The following GLRA2 variants were observed in gnomAD, a reference collection of about 807,000 sequenced individuals.
GLRA2 encodes the protein glycine receptor alpha 2.
GLRA2 carries 11 observed loss-of-function variants against 31.6 expected under a neutral mutation model. The observed-to-expected ratio is 0.35, with a 90% confidence interval of 0.22 to 0.58. The LOEUF is 0.58. GLRA2 is among the 20% of genes least tolerant of loss of function. The pLI, the probability that GLRA2 is intolerant of heterozygous loss-of-function variation, is 0.84. For missense variants in GLRA2, 212 were observed against 351.8 expected (o/e 0.60, Z 3.18); for synonymous variants, 132 against 134.0 (o/e 0.99, Z 0.10).
chrX:14,458,501 A>G, the GLRA2 span, among the ~76,000 whole-genome samples: 2 of 111,944 alleles, frequency 1.8e-5, no homozygotes, highest in East Asian at 2.8e-4. Flanking sequence ...GTGTAAAAGC[A>G]TTCCTATTTC....
At chrX:14,622,653 C>T (rs2090535350) in intron 7 of GLRA2, among the ~76,000 whole-genome samples, 1 of 111,783 alleles carries the variant, frequency 8.9e-6, no homozygotes, top group Non-Finnish European at 1.9e-5. Context: ...TGTCAAAGAT[C>T]AGATGGTTAT....
At chrX:14,700,881 A>G (rs1484245872) in intron 8 of GLRA2, among the ~76,000 whole-genome samples, 1 of 109,656 alleles carries the variant, frequency 9.1e-6, no homozygotes, top group South Asian at 4.0e-4. Context: ...AGAGAATAAT[A>G]TTACTTACAG....
chrX:14,643,645 A>T (rs1377829966), intron 7 of GLRA2, among the ~76,000 whole-genome samples: 1 of 111,577 alleles, frequency 9.0e-6, no homozygotes, highest in Non-Finnish European at 1.9e-5. Context: ...TTTTCCTTCA[A>T]ATTTGAATTA....
chrX:14,703,147 G>A (rs1430009218), intron 8 of GLRA2, among the ~76,000 whole-genome samples: 1 of 112,024 alleles, frequency 8.9e-6, no homozygotes, highest in Non-Finnish European at 1.9e-5. Context: ...AATGGAATGT[G>A]TAAAATTTGA....
chrX:14,482,432 G>T, the GLRA2 span, among the ~76,000 whole-genome samples: 1 of 111,066 alleles, frequency 9.0e-6, no homozygotes, highest in East Asian at 2.8e-4. Context: ...AATGCAGGAA[G>T]TGGAGGGTGG....
chrX:14,688,238 C>T (rs886756745), intron 7 of GLRA2, among the ~76,000 whole-genome samples: 1 of 111,761 alleles, frequency 8.9e-6, no homozygotes. Context: ...AGTTAGGCTA[C>T]TCGGGGGTCA....
intron 3 of GLRA2, among the ~76,000 whole-genome samples, chrX:14,579,690 A>C (rs1217839386): frequency 9.0e-6 from 1 of 111,468 alleles, no homozygotes; most frequent in East Asian, 2.8e-4. Flanking sequence ...TTAGCAGTGC[A>C]ATGGTAAAGC....
intron 8 of GLRA2, among the ~76,000 whole-genome samples, chrX:14,696,084 GGAAGACAAAGA>G (rs767949816): frequency 1.2e-4 from 13 of 109,300 alleles, no homozygotes; most frequent in Non-Finnish European, 2.1e-4. Context: ...GAAAGTGAGT[GGAAGACAAAGA>G]GAAGACAATA....
chrX:14,536,870 A>G (rs1190313536), intron 2 of GLRA2, among the ~76,000 whole-genome samples: 1 of 111,833 alleles, frequency 8.9e-6, no homozygotes, highest in Non-Finnish European at 1.9e-5. Flanking sequence ...GTCAAGTATG[A>G]GTCAGAGTTG....
At chrX:14,658,791 A>G (rs1016800314) in intron 7 of GLRA2, among the ~76,000 whole-genome samples, 2 of 112,206 alleles carry the variant, frequency 1.8e-5, no homozygotes, top group Admixed American at 1.9e-4. Context: ...GAAAAAAGAA[A>G]AGGCAATGGC....
intron 4 of GLRA2, among the ~76,000 whole-genome samples, chrX:14,599,044 G>C (rs1281706480): frequency 9.0e-6 from 1 of 111,343 alleles, no homozygotes; most frequent in African/African-American, 3.3e-5. Context: ...GGAAAGGTGA[G>C]ATTTTGGGAG....
intron 4 of GLRA2, among the ~76,000 whole-genome samples, chrX:14,585,026 T>C (rs1373988642): frequency 8.1e-5 from 9 of 111,591 alleles, no homozygotes; most frequent in Non-Finnish European, 3.8e-5. Flanking sequence ...TTCCCAAGCA[T>C]AGCACATTAC....
intron 2 of GLRA2, among the ~76,000 whole-genome samples, chrX:14,540,568 G>A (rs1308943481): frequency 9.1e-6 from 1 of 110,418 alleles, no homozygotes; most frequent in African/African-American, 3.3e-5. Context: ...GTTGGGGTGG[G>A]GAAATGGAAG....
the GLRA2 span, among the ~76,000 whole-genome samples, chrX:14,475,202 G>A: frequency 8.9e-6 from 1 of 112,387 alleles, no homozygotes; most frequent in African/African-American, 3.2e-5. Context: ...GTAAGCAGCA[G>A]ATAAAATCCC....
At chrX:14,698,973 G>A (rs1226897479) in intron 8 of GLRA2, among the ~76,000 whole-genome samples, 1 of 111,210 alleles carries the variant, frequency 9.0e-6, no homozygotes, top group Admixed American at 9.6e-5. Flanking sequence ...AGGAGTGGCC[G>A]GGCAATGTGC....
At chrX:14,510,091 A>T in the GLRA2 span, among the ~76,000 whole-genome samples, 6 of 111,823 alleles carry the variant, frequency 5.4e-5, no homozygotes, top group East Asian at 1.7e-3. Flanking sequence ...GATTTATTAA[A>T]GGGACTGTAT....
intron 2 of GLRA2, among the ~76,000 whole-genome samples, chrX:14,548,014 A>C (rs1272657003): frequency 8.9e-6 from 1 of 112,193 alleles, no homozygotes; most frequent in Non-Finnish European, 1.9e-5. Context: ...GTACCAATGC[A>C]AACTTGAATA....
chrX:14,643,856 G>C (rs989342725), intron 7 of GLRA2, among the ~76,000 whole-genome samples: 1 of 111,826 alleles, frequency 8.9e-6, no homozygotes, highest in African/African-American at 3.3e-5. Flanking sequence ...CAAGGTGCTA[G>C]AAAAGTGGAA....
intron 7 of GLRA2, among the ~76,000 whole-genome samples, chrX:14,682,930 T>G (rs1172754848): frequency 1.8e-5 from 2 of 111,658 alleles, no homozygotes; most frequent in African/African-American, 6.5e-5. Flanking sequence ...TATGCCACAT[T>G]TTCTTAATCC....
Sources: allele counts gnomAD v4.1 joint callset (sites outside exome capture counted in the v4.1 genomes callset), GRCh38; gene constraint gnomAD v4.1.1; transcripts MANE v1.5; gene names NCBI Gene and HGNC (gene_info 2026-07-23, HGNC 2026-07-21).